Variants in FAM24B observed in about 807,000 individuals in gnomAD.
FAM24B encodes family with sequence similarity 24 member B.
In FAM24B, 3 loss-of-function variants were observed where a neutral mutation model predicts 2.3. The observed-to-expected ratio is 1.29, with a 90% CI of 0.59 to 3.32. The LOEUF is 3.32. Among genes scored for constraint, FAM24B ranks in the 30% most tolerant of loss-of-function variants. The pLI is 0.03. For synonymous variants in FAM24B, 36 were observed against 46.3 expected, an observed-to-expected ratio of 0.78 and a Z score of 0.90; for missense variants, 98 against 117.2, an observed-to-expected ratio of 0.84 and a Z score of 0.76.
intron 1 of FAM24B, among the ~76,000 whole-genome samples, chr10:122,858,931 T>C (rs1847684686): frequency 6.6e-6 from 1 of 152,164 alleles, no homozygotes; most frequent in South Asian, 2.1e-4. Flanking sequence ...TCTGACAATA[T>C]ATTAAATTTC....
intron 1 of FAM24B, among the ~76,000 whole-genome samples, chr10:122,874,519 T>C (rs951349166): frequency 3.3e-5 from 5 of 152,220 alleles, no homozygotes; most frequent in Non-Finnish European, 7.3e-5. Context: ...GTAATTCTTG[T>C]GGATACATTC....
intron 1 of FAM24B, among the ~76,000 whole-genome samples, chr10:122,875,900 A>G (rs1847969313): frequency 1.3e-5 from 2 of 152,206 alleles, no homozygotes; most frequent in African/African-American, 4.8e-5. Flanking sequence ...GTAAGAGAAG[A>G]ATGCTTCAAG....
In FAM24B at chr10:122,850,415, G is replaced by A. The variant is rs920407216; in HGVS notation, c.92+9C>T. ...TTAGTACGTTGTTTATTTTGAACTTGTGACTCACTTTAGCGCGTTGTGTAT... is the reference window on the plus strand; with the variant it reads ...TTAGTACGTTGTTTATTTTGAACTTATGACTCACTTTAGCGCGTTGTGTAT... On this transcript the variant is annotated intron_variant, in intron 3 of 3. Coordinates refer to ENST00000368898, the MANE Select transcript of FAM24B (RefSeq NM_152644.3). 6.2e-7 allele frequency: 1 copy of A among 1,610,750 alleles called. No homozygotes were observed. The highest frequency in any genetic ancestry group is 8.5e-7 in the Non-Finnish European group (1 of 1,177,106).
intron 1 of FAM24B, among the ~76,000 whole-genome samples, chr10:122,866,628 T>C (rs1847808179): frequency 6.6e-6 from 1 of 152,164 alleles, no homozygotes; most frequent in Non-Finnish European, 1.5e-5. Flanking sequence ...ATATATGTTA[T>C]GGTGATCTGT....
chr10:122,873,665 G>A (rs1201339310), intron 1 of FAM24B, among the ~76,000 whole-genome samples: 1 of 152,154 alleles, frequency 6.6e-6, no homozygotes, highest in African/African-American at 2.4e-5. Flanking sequence ...GTATCTCTTA[G>A]GTGTGCCTAT....
intron 1 of FAM24B, among the ~76,000 whole-genome samples, chr10:122,861,172 G>T (rs968882827): frequency 5.9e-5 from 9 of 151,948 alleles, no homozygotes; most frequent in Non-Finnish European, 2.9e-5. Context: ...TTACATTTAG[G>T]TCTACAATTC....
At chr10:122,873,629 G>A (rs1589678254) in intron 1 of FAM24B, among the ~76,000 whole-genome samples, 1 of 152,196 alleles carries the variant, frequency 6.6e-6, no homozygotes, top group Non-Finnish European at 1.5e-5. Flanking sequence ...TAAGGCTTTA[G>A]TAGCCATAGA....
chr10:122,850,555 G>A lies in FAM24B; in HGVS notation c.-35-5C>T. 6.9e-7 allele frequency: 1 copy of A among 1,441,700 alleles called. No homozygotes were observed. 89.3% of individuals were successfully genotyped at this position (1,441,700 alleles called of 1,614,324 possible). A position where few individuals can be genotyped will look rare whatever the true frequency, so the allele number is the denominator to read the frequency against. ...GGTCAAAAGACTTCGATGTACCTAG[G>A]CAGATAAGTGCAAGCAAGCACTGAG... is the stretch of plus-strand genomic sequence containing the variant. On this transcript the variant is annotated splice_polypyrimidine_tract_variant and splice_region_variant and intron_variant, in intron 2 of 3. Transcript: ENST00000368898.
intron 3 of FAM24B, among the ~76,000 whole-genome samples, chr10:122,849,900 C>T (rs934377572): frequency 2.6e-5 from 4 of 152,154 alleles, no homozygotes; most frequent in East Asian, 1.9e-4. Context: ...GTTTTTCACA[C>T]GGTTCAGCTG....
intron 1 of FAM24B, among the ~76,000 whole-genome samples, chr10:122,859,380 G>GAGA (rs1847692440): frequency 6.6e-6 from 1 of 152,200 alleles, no homozygotes; most frequent in Non-Finnish European, 1.5e-5. Context: ...CAGAACAGAG[G>GAGA]CAGCCATTAC....
At chr10:122,851,312 C>T (rs74163511) in intron 2 of FAM24B, among the ~76,000 whole-genome samples, 1,660 of 152,314 alleles carry the variant, frequency 0.011, 29 homozygotes, top group African/African-American at 0.038. Flanking sequence ...AACAGGACAT[C>T]TCATCACGAA....
intron 1 of FAM24B, 80 bp downstream of exon 1, chr10:122,879,405 A>T (rs1848039504): frequency 6.6e-6 from 1 of 152,326 alleles, no homozygotes; most frequent in Non-Finnish European, 1.5e-5. Flanking sequence ...GAGGCAGAAA[A>T]GGCCCTGGCG....
chr10:122,851,868 A>G (rs1208374736), intron 2 of FAM24B, among the ~76,000 whole-genome samples: 2 of 152,204 alleles, frequency 1.3e-5, no homozygotes, highest in Non-Finnish European at 2.9e-5. Context: ...ATATGAGAAT[A>G]ATGTCTCATC....
Position 122,877,361 on chromosome 10 carries a change from C to T in FAM24B, c.-178+2124G>A, listed in dbSNP as rs569050076. ...GCAGTTTGGGGGAAGTGGTGGAGGTCGCTAGGCTTGCTGCTGATTAGTTGG... is the reference window on the plus strand; with the variant it reads ...GCAGTTTGGGGGAAGTGGTGGAGGTTGCTAGGCTTGCTGCTGATTAGTTGG... On this transcript the variant is annotated intron_variant, in intron 1 of 3. Coordinates refer to ENST00000368898, the MANE Select transcript of FAM24B (RefSeq NM_152644.3). 4.6e-5 allele frequency among the ~76,000 whole-genome samples: 7 copies of T among 152,012 alleles called. No individual in the cohort carries two copies. The South Asian group carries it at 1.3e-3, about 27-fold the overall frequency.
At chr10:122,872,905 G>C (rs921694954) in intron 1 of FAM24B, among the ~76,000 whole-genome samples, 6 of 152,052 alleles carry the variant, frequency 3.9e-5, no homozygotes, top group Admixed American at 3.9e-4. Context: ...CCTGCATGTT[G>C]TGCACATGTA....
At position 122,866,676 on chromosome 10, in the gene FAM24B, G is replaced by C. The variant is rs752406924; in HGVS notation, c.-177-10890C>G. ...TTGATGTTACTATTGCCATTGTTTT[G>C]GTCCACCATGAATCATGACCCTATA... On this transcript the variant is annotated intron_variant, in intron 1 of 3. Coordinates refer to ENST00000368898, the MANE Select transcript of FAM24B (RefSeq NM_152644.3). 1.2e-4 allele frequency among the ~76,000 whole-genome samples: 18 copies of C among 151,808 alleles called. No homozygotes were observed. In the South Asian group the frequency reaches 2.5e-3, roughly 21 times the overall value.
chr10:122,849,668 G>C (rs1234052151), intron 3 of FAM24B, among the ~76,000 whole-genome samples: 2 of 152,032 alleles, frequency 1.3e-5, no homozygotes, highest in Non-Finnish European at 1.5e-5. Flanking sequence ...GAGTGATTTT[G>C]CAAGCAAGGT....
chr10:122,856,011 G>T (rs371416421), intron 1 of FAM24B, among the ~76,000 whole-genome samples: 247 of 152,306 alleles, frequency 1.6e-3, no homozygotes, highest in African/African-American at 5.3e-3. Flanking sequence ...CAAGCTCACA[G>T]CCCCAAAACA....
At position 122,853,568 on chromosome 10, in the gene FAM24B, A is replaced by G. The variant is rs1847578699; in HGVS notation, c.-36+2077T>C. ...TAATTGCTCCTCTCCCTATGTATCCATGCCCTTTGTTTGTGCCTATATGGA... is the reference window on the plus strand; with the variant it reads ...TAATTGCTCCTCTCCCTATGTATCCGTGCCCTTTGTTTGTGCCTATATGGA... On this transcript the variant is annotated intron_variant, in intron 2 of 3. Coordinates refer to ENST00000368898, the MANE Select transcript of FAM24B (RefSeq NM_152644.3). Among the ~76,000 whole-genome samples, 4 of 152,028 alleles carry G rather than the reference A, an allele frequency of 2.6e-5. No homozygotes were observed. The South Asian group carries it at 8.3e-4, about 32-fold the overall frequency.
Sources: allele counts gnomAD v4.1 joint callset (sites outside exome capture counted in the v4.1 genomes callset), GRCh38; gene constraint gnomAD v4.1.1; transcripts MANE v1.5; gene names NCBI Gene and HGNC (gene_info 2026-07-23, HGNC 2026-07-21).